ATP2C1: variants seen among roughly 807,000 people sequenced by gnomAD.
ATP2C1 encodes the protein ATPase secretory pathway Ca2+ transporting 1.
ATP2C1 carries 31 observed loss-of-function variants against 120.5 expected under a neutral mutation model. The ratio of observed to expected loss-of-function variants is 0.26; its 90% confidence interval spans 0.19 to 0.35. The LOEUF (loss-of-function observed/expected upper bound fraction) is 0.35, where lower values mean the gene tolerates loss of function less well. Among genes scored for constraint, ATP2C1 ranks in the 10% least tolerant of loss-of-function variants. The pLI is 1.00. For synonymous variants in ATP2C1, 351 were observed against 358.7 expected (o/e 0.98, Z 0.24); for missense variants, 731 against 1,107.5 (o/e 0.66, Z 4.83).
At chr3:130,933,001 C>G (rs920738392) in intron 4 of ATP2C1, among the ~76,000 whole-genome samples, 8 of 152,112 alleles carry the variant, frequency 5.3e-5, no homozygotes, top group South Asian at 2.1e-4. Flanking sequence ...TTATATGTGT[C>G]TTTGTATTTT....
intron 2 of ATP2C1, among the ~76,000 whole-genome samples, chr3:130,918,059 G>C (rs1430185024): frequency 6.6e-6 from 1 of 152,012 alleles, no homozygotes; most frequent in Non-Finnish European, 1.5e-5. Context: ...AAAAGGATAA[G>C]ATATAGTGCT....
In ATP2C1 at chr3:130,996,584, A is replaced by G. The variant is rs184423703; in HGVS notation, c.2127-96A>G. 1.5e-3 allele frequency: 1,266 copies of G among 854,268 alleles called. 1 individual carries two copies. The highest frequency in any genetic ancestry group is 1.2e-3 in the Non-Finnish European group (578 of 493,012). 52.9% of individuals were successfully genotyped at this position (854,268 alleles called of 1,614,324 possible). Reference sequence around the variant, plus strand: ...CTTGAAACAGTCTTCCTTTAAAAGCATAGTAGTAAGAGATTTTTAAATGCT... The same window carrying G: ...CTTGAAACAGTCTTCCTTTAAAAGCGTAGTAGTAAGAGATTTTTAAATGCT... On this transcript the variant is annotated intron_variant, in intron 23 of 27. Transcript: ENST00000510168.
In ATP2C1 at chr3:130,971,947, C is replaced by G. The variant is rs184953878; in HGVS notation, c.1413+2551C>G. Among the ~76,000 whole-genome samples, 11 of 152,252 alleles carry G rather than the reference C, an allele frequency of 7.2e-5. No homozygotes were observed. In the East Asian group the frequency reaches 2.1e-3, roughly 29 times the overall value. On this transcript the variant is annotated intron_variant, in intron 17 of 27. Transcript: ENST00000510168. ...GGCTGGCATCTCCCTACTGTCATTC[C>G]CTAAGTAAGAAGATTCAAGAGTTTT...
intron 1 of ATP2C1, among the ~76,000 whole-genome samples, chr3:130,861,358 T>G (rs12107686): frequency 9.2e-5 from 14 of 152,216 alleles, no homozygotes; most frequent in African/African-American, 3.1e-4. Context: ...TCCCATAATC[T>G]GCTGTCTATA....
At chr3:130,883,934 TTTC>T (rs1164809531) in intron 1 of ATP2C1, among the ~76,000 whole-genome samples, 4 of 138,638 alleles carry the variant, frequency 2.9e-5, no homozygotes, top group Admixed American at 1.6e-4. Context: ...TTTCTTTCTT[TTTC>T]TTTTCTTCTT....
chr3:130,993,350 G>C (rs2062443524), intron 21 of ATP2C1, among the ~76,000 whole-genome samples: 1 of 152,210 alleles, frequency 6.6e-6, no homozygotes, highest in South Asian at 2.1e-4. Context: ...TGTTGTGACA[G>C]TGTGAACAGT....
intron 2 of ATP2C1, among the ~76,000 whole-genome samples, chr3:130,924,634 G>C (rs1162473713): frequency 6.6e-6 from 1 of 152,116 alleles, no homozygotes; most frequent in Non-Finnish European, 1.5e-5. Context: ...GACCGGGGAA[G>C]TTTTCCTTGA....
chr3:130,982,609 ATTTAT>A (rs2061819083), intron 20 of ATP2C1, among the ~76,000 whole-genome samples: 1 of 152,176 alleles, frequency 6.6e-6, no homozygotes, highest in South Asian at 2.1e-4. Flanking sequence ...CTTATCTGGA[ATTTAT>A]TTTATTAGCT....
intron 25 of ATP2C1, among the ~76,000 whole-genome samples, chr3:130,997,994 G>A (rs1408416862): frequency 6.6e-6 from 1 of 152,104 alleles, no homozygotes; most frequent in African/African-American, 2.4e-5. Context: ...TGAAAATTTA[G>A]AGAGAAGTTG....
At chr3:130,935,624 C>G (rs1280286318) in intron 5 of ATP2C1, among the ~76,000 whole-genome samples, 1 of 152,156 alleles carries the variant, frequency 6.6e-6, no homozygotes, top group Admixed American at 6.5e-5. Context: ...TTTAATAATA[C>G]TAAAACATTA....
rs751186032 is a variant in ATP2C1 at position 130,999,619 on chromosome 3, G to A, written c.2589G>A (p.Pro863=). Residue 863 remains proline, a synonymous_variant, in exon 27 of 28, where the codon CCG becomes CCA. Coordinates refer to ENST00000510168, the MANE Select transcript of ATP2C1 (RefSeq NM_001378687.1). ...MGQLLVIYFP[P]LQKVFQTESL... is the part of the protein sequence containing the mutation. Reference sequence around the variant, plus strand: ...AATTACTAGTTATTTACTTTCCTCCGCTTCAGAAGGTTTTTCAGACTGAGA... The same window carrying A: ...AATTACTAGTTATTTACTTTCCTCCACTTCAGAAGGTTTTTCAGACTGAGA... 5.6e-5 allele frequency: 90 copies of A among 1,613,298 alleles called. 2 individuals carry two copies. The highest frequency in any genetic ancestry group is 3.3e-4 in the South Asian group (30 of 91,054).
At chr3:130,887,747 G>A (rs2069023599) in intron 1 of ATP2C1, among the ~76,000 whole-genome samples, 1 of 152,164 alleles carries the variant, frequency 6.6e-6, no homozygotes, top group East Asian at 1.9e-4. Context: ...TCTGGCCCAG[G>A]GAAGGTCATG....
intron 11 of ATP2C1, among the ~76,000 whole-genome samples, chr3:130,956,583 T>C (rs1394068013): frequency 6.6e-6 from 1 of 151,970 alleles, no homozygotes; most frequent in Non-Finnish European, 1.5e-5. Context: ...CTTCTAGACA[T>C]TTAGGATTTT....
At chr3:130,861,007 C>T (rs529585177) in intron 1 of ATP2C1, among the ~76,000 whole-genome samples, 4 of 152,284 alleles carry the variant, frequency 2.6e-5, no homozygotes, top group East Asian at 3.9e-4. Context: ...CGGTGGCTCA[C>T]GCCTGTATTC....
chr3:130,894,162 C>CCCCCCCA lies in ATP2C1; in HGVS notation c.-356_-355insCCCCCCA. ...CCTCCTCTTCTCTCCCCTCCCCGCC[C>CCCCCCCA]GCCCTCTCTCCCTCCCTTCCTCCCT... On this transcript the variant is annotated 5_prime_UTR_variant, in exon 1 of 28. Coordinates refer to ENST00000510168, the MANE Select transcript of ATP2C1 (RefSeq NM_001378687.1). The surrounding 1 kb of genome is among the most constrained non-coding windows in gnomAD (Gnocchi z 4.5). 1 of 733,882 alleles carries CCCCCCCA rather than the reference C, an allele frequency of 1.4e-6. No individual in the cohort carries two copies. Among genetic ancestry groups the CCCCCCCA allele is most frequent in the Non-Finnish European group, 1.7e-6 (1 of 600,202 alleles). The allele number at this position is 733,882 out of a possible 1,614,324, so 45.5% of individuals were successfully genotyped here.
At chr3:130,870,140 C>T (rs2068383618) in intron 1 of ATP2C1, among the ~76,000 whole-genome samples, 1 of 152,010 alleles carries the variant, frequency 6.6e-6, no homozygotes, top group African/African-American at 2.4e-5. Flanking sequence ...GCATGGCTTA[C>T]TGAATATTTT....
At chr3:130,934,826 T>G in intron 5 of ATP2C1, 115 bp downstream of exon 5, 1 of 738,832 alleles carries the variant, frequency 1.4e-6, no homozygotes, top group Non-Finnish European at 2.3e-6. Context: ...GTGTCCAAAT[T>G]CTGCTTTTAT....
chr3:130,996,802 A>G lies in ATP2C1; in HGVS notation c.2243+6A>G. The G allele has an allele frequency of 6.4e-7, 1 of 1,561,780 alleles. No individual in the cohort carries two copies. Among genetic ancestry groups the G allele is most frequent in the Non-Finnish European group, 8.8e-7 (1 of 1,132,580 alleles). On this transcript the variant is annotated splice_donor_region_variant and intron_variant, in intron 24 of 27. Coordinates refer to ENST00000510168, the MANE Select transcript of ATP2C1 (RefSeq NM_001378687.1). Reference sequence around the variant, plus strand: ...GATGGACCCCCAGCTCAGAGGTACGAGTTTTTTAATTGCATGAGCTGGAAA... The same window carrying G: ...GATGGACCCCCAGCTCAGAGGTACGGGTTTTTTAATTGCATGAGCTGGAAA...
chr3:130,997,718 A>T lies in ATP2C1; in HGVS notation c.2356A>T (p.Ile786Phe). The change falls in exon 25 of 28, where the codon ATT becomes TTT. Residue 786 changes from isoleucine (I) to phenylalanine (F), a missense_variant. By Grantham distance (21) the Ile-to-Phe change is conservative (BLOSUM62 0). Transcript: ENST00000510168. ...ILKILVSSII[I>F]VCGTLFVFWR... ...TAAAATACTTGTTTCATCAATAATCATTGTTTGTGGGACTTTGTTTGTCTT... is the reference window on the plus strand; with the variant it reads ...TAAAATACTTGTTTCATCAATAATCTTTGTTTGTGGGACTTTGTTTGTCTT... The T allele has an allele frequency of 6.2e-7, 1 of 1,613,694 alleles. No homozygotes were observed. The highest frequency in any genetic ancestry group is 8.5e-7 in the Non-Finnish European group (1 of 1,179,750).
Sources: allele counts gnomAD v4.1 joint callset (sites outside exome capture counted in the v4.1 genomes callset), GRCh38; gene constraint gnomAD v4.1.1; non-coding constraint Gnocchi (gnomAD v3.1); transcripts MANE v1.5; gene names NCBI Gene and HGNC (gene_info 2026-07-23, HGNC 2026-07-21).